The following SYDE2 variants were observed in gnomAD, a reference collection of about 807,000 sequenced individuals.
The protein encoded by SYDE2 is rho GTPase-activating protein SYDE2.
A neutral mutation model predicts 91.5 loss-of-function variants in SYDE2; 76 were observed. The observed-to-expected ratio is 0.83, with a 90% CI of 0.69 to 1.01. SYDE2 has a LOEUF of 1.01. SYDE2 is among the 50% of genes least tolerant of loss of function. The pLI, the probability that SYDE2 is intolerant of heterozygous loss-of-function variation, is 0.00. For synonymous variants in SYDE2, 513 were observed against 506.4 expected (o/e 1.01, Z -0.18); for missense variants, 1,364 against 1,367.7 (o/e 1.00, Z 0.04).
downstream of SYDE2, among the ~76,000 whole-genome samples, chr1:85,155,772 A>AATATACAGT (rs765685977): frequency 2.0e-5 from 3 of 152,178 alleles, no homozygotes; most frequent in Non-Finnish European, 1.5e-5. Context: ...GTTTAGAATA[A>AATATACAGT]ATATACAGTA....
At chr1:85,197,335 G>A (rs578011466) in intron 1 of SYDE2, among the ~76,000 whole-genome samples, 1 of 152,226 alleles carries the variant, frequency 6.6e-6, no homozygotes, top group East Asian at 1.9e-4. Flanking sequence ...TTGTCATATA[G>A]TCTCAAAAAT....
At chr1:85,183,344 A>G in intron 2 of SYDE2, 144 bp from the exon 3 acceptor site, 1 of 649,492 alleles carries the variant, frequency 1.5e-6, no homozygotes, top group Non-Finnish European at 2.4e-6. Flanking sequence ...ATTTCATTAG[A>G]AGTTCAGGTC....
At chr1:85,198,809 G>GT (rs902446505) in intron 1 of SYDE2, among the ~76,000 whole-genome samples, 2 of 35,800 alleles carry the variant, frequency 5.6e-5, no homozygotes, top group African/African-American at 9.4e-5. Flanking sequence ...CTAAGCCAAA[G>GT]GGGGGGAGGT....
chr1:85,170,251 C>T (rs1241629377), intron 4 of SYDE2, among the ~76,000 whole-genome samples: 1 of 151,726 alleles, frequency 6.6e-6, no homozygotes, highest in Admixed American at 6.6e-5. Flanking sequence ...CAGGTGGTTG[C>T]CCCCACACCT....
At chr1:85,182,042 A>G in intron 3 of SYDE2, 56 bp downstream of exon 3, 2 of 1,475,144 alleles carry the variant, frequency 1.4e-6, no homozygotes, top group Non-Finnish European at 1.8e-6. Context: ...TTCCCCCAAG[A>G]CTTACAATTA....
At chr1:85,186,995 A>G (rs942449670) in intron 2 of SYDE2, among the ~76,000 whole-genome samples, 2 of 152,108 alleles carry the variant, frequency 1.3e-5, no homozygotes, top group African/African-American at 4.8e-5. Context: ...CAATGGCAAC[A>G]AAAGCCAAAA....
At chr1:85,187,152 C>T (rs1228960447) in intron 2 of SYDE2, among the ~76,000 whole-genome samples, 1 of 152,074 alleles carries the variant, frequency 6.6e-6, no homozygotes, top group Non-Finnish European at 1.5e-5. Flanking sequence ...CTACAATGAA[C>T]TCAAACAAAT....
At chr1:85,195,034 C>T (rs985237424) in intron 1 of SYDE2, among the ~76,000 whole-genome samples, 17 of 152,100 alleles carry the variant, frequency 1.1e-4, no homozygotes, top group Non-Finnish European at 2.1e-4. Context: ...GTGGCGGGCG[C>T]CTGTAGTCCC....
intron 5 of SYDE2, among the ~76,000 whole-genome samples, chr1:85,166,939 G>A (rs143432230): frequency 1.5e-3 from 228 of 152,232 alleles, no homozygotes; most frequent in African/African-American, 5.4e-3. Context: ...GGCTGGGCGT[G>A]GTGGTTCATG....
intron 5 of SYDE2, 145 bp downstream of exon 5, chr1:85,168,899 T>G: frequency 2.9e-6 from 2 of 698,580 alleles, no homozygotes; most frequent in Non-Finnish European, 4.9e-6. Flanking sequence ...TTTACAGACT[T>G]AGGCTGTTTA....
chr1:85,196,316 C>G (rs1220949631), intron 1 of SYDE2, among the ~76,000 whole-genome samples: 2 of 152,134 alleles, frequency 1.3e-5, no homozygotes, highest in African/African-American at 4.8e-5. Context: ...ACACTGGGAG[C>G]AGAATCTCAG....
At chr1:85,194,732 CCAAGT>C in intron 1 of SYDE2, 1 of 749,780 alleles carries the variant, frequency 1.3e-6, no homozygotes, top group Non-Finnish European at 1.6e-6. Context: ...GGTGAACTAC[CCAAGT>C]CAATTCTGTT....
intron 1 of SYDE2, among the ~76,000 whole-genome samples, chr1:85,197,645 TTTTA>T (rs756290989): frequency 2.0e-5 from 3 of 152,136 alleles, no homozygotes; most frequent in African/African-American, 4.8e-5. Flanking sequence ...CTTTTTTAAA[TTTTA>T]TTTATTTATT....
rs145162914 is a variant in SYDE2 at position 85,182,373 on chromosome 1, G to T, written c.2269C>A (p.Arg757=). Residue 757 remains arginine (R), a synonymous_variant, in exon 3 of 7, where the codon CGA becomes AGA. Coordinates refer to ENST00000341460, the MANE Select transcript of SYDE2 (RefSeq NM_032184.2). Reference sequence around the variant, plus strand: ...ACAACAGTTCCATGACAACAAACTCGATTTTTTCTTGGAGTGGGTTCCCAA... The same window carrying T: ...ACAACAGTTCCATGACAACAAACTCTATTTTTTCTTGGAGTGGGTTCCCAA... ...FSWEPTPRKN[R]VCCHGTVVLP... 161 of 1,613,802 alleles carry T rather than the reference G, an allele frequency of 1.0e-4. No homozygotes were observed. In the African/African-American group the frequency reaches 2.0e-3, roughly 20 times the overall value.
Position 85,194,892 on chromosome 1 carries a change from G to A in SYDE2, c.746-4140C>T, listed in dbSNP as rs1240703196. ...ATCTGTAGTACCGGCTGGGCGCGGT[G>A]GCTCACGCCTGTAATCCCAGCACTT... On this transcript the variant is annotated intron_variant, in intron 1 of 6. Coordinates refer to ENST00000341460, the MANE Select transcript of SYDE2 (RefSeq NM_032184.2). 8.4e-6 allele frequency: 8 copies of A among 951,924 alleles called. 1 individual carries two copies. The highest frequency in any genetic ancestry group is 9.7e-5 in the South Asian group (2 of 20,594). 59.0% of individuals were successfully genotyped at this position (951,924 alleles called of 1,614,324 possible). A position where few individuals can be genotyped will look rare whatever the true frequency, so the allele number is the denominator to read the frequency against.
chr1:85,174,112 A>G lies in SYDE2; in HGVS notation c.2671+4034T>C, dbSNP rs1302235405. On this transcript the variant is annotated intron_variant, in intron 4 of 6. Coordinates refer to ENST00000341460, the MANE Select transcript of SYDE2 (RefSeq NM_032184.2). Reference sequence around the variant, plus strand: ...ACGTAAAATGGCCTAAGACATGCTTAATTGTAATCTTCAAAGGCAAAGTAG... The same window carrying G: ...ACGTAAAATGGCCTAAGACATGCTTGATTGTAATCTTCAAAGGCAAAGTAG... 2.0e-5 allele frequency among the ~76,000 whole-genome samples: 3 copies of G among 152,224 alleles called. No homozygotes were observed. In the East Asian group the frequency reaches 5.8e-4, roughly 29 times the overall value.
chr1:85,192,882 C>T (rs147910014), intron 1 of SYDE2, among the ~76,000 whole-genome samples: 45 of 152,288 alleles, frequency 3.0e-4, no homozygotes, highest in African/African-American at 9.9e-4. Context: ...CAGAAGTAGG[C>T]AACCCTTTCT....
chr1:85,156,700 C>T (rs1032466952), downstream of SYDE2, among the ~76,000 whole-genome samples: 20 of 152,140 alleles, frequency 1.3e-4, no homozygotes, highest in African/African-American at 4.8e-4. Context: ...TATAGTAATA[C>T]AAGCATGGCC....
chr1:85,168,772 T>C (rs1172037013), intron 5 of SYDE2, among the ~76,000 whole-genome samples: 1 of 152,232 alleles, frequency 6.6e-6, no homozygotes, highest in East Asian at 1.9e-4. Context: ...ACAAATATTA[T>C]TGTAATAATA....
Sources: gnomAD v4.1 joint callset for allele counts (sites outside exome capture counted in the v4.1 genomes callset) on GRCh38, gnomAD v4.1.1 for gene constraint, MANE v1.5 for transcripts, NCBI Gene and HGNC (gene_info 2026-07-23, HGNC 2026-07-21) for gene names.